UTP25: variants seen among roughly 807,000 people sequenced by gnomAD.
The protein encoded by UTP25 is UTP25 small subunit processome component, also known as U3 small nucleolar RNA-associated protein 25 homolog.
Under a neutral mutation model 78.9 loss-of-function variants are expected in UTP25, and 50 were observed. The ratio of observed to expected loss-of-function variants is 0.63; its 90% CI spans 0.50 to 0.80. The LOEUF (loss-of-function observed/expected upper bound fraction) is 0.80, where lower values mean the gene tolerates loss of function less well. Ranked by LOEUF, UTP25 falls within the 30% of genes least tolerant of loss-of-function variation. UTP25 has a pLI of 0.00. For missense variants in UTP25, 846 were observed against 911.3 expected, an observed-to-expected ratio of 0.93 and a Z score of 0.92; for synonymous variants, 329 against 336.5, an observed-to-expected ratio of 0.98 and a Z score of 0.24.
chr1:209,833,257 C>G lies in UTP25; in HGVS notation c.461C>G (p.Pro154Arg). Residue 154 changes from proline (P) to arginine (R), a missense_variant, in exon 4 of 12, where the codon CCC (proline) becomes CGC (arginine). Transcript: ENST00000491415. Reference protein sequence around the residue: ...EEPPGTSQTSPEEFTDAKHES... With the variant: ...EEPPGTSQTSREEFTDAKHES... Reference sequence around the variant, plus strand: ...CCACCGGGCACATCACAAACATCCCCCGAAGAGTTCACAGATGCAAAACAC... The same window carrying G: ...CCACCGGGCACATCACAAACATCCCGCGAAGAGTTCACAGATGCAAAACAC... 1 of 1,613,316 alleles carries G rather than the reference C, an allele frequency of 6.2e-7. No individual in the cohort carries two copies. The highest frequency in any genetic ancestry group is 8.5e-7 in the Non-Finnish European group (1 of 1,179,708).
chr1:209,846,973 G>A (rs1409507702), intron 11 of UTP25, among the ~76,000 whole-genome samples: 1 of 152,082 alleles, frequency 6.6e-6, no homozygotes, highest in African/African-American at 2.4e-5. Flanking sequence ...TACTCTTTTT[G>A]GTAATTTTTT....
At position 209,833,261 on chromosome 1, in the gene UTP25, A is replaced by G; in HGVS notation, c.465A>G (p.Glu155=). 1.2e-6 allele frequency: 2 copies of G among 1,611,396 alleles called. No homozygotes were observed. Among genetic ancestry groups the G allele is most frequent in the Non-Finnish European group, 1.7e-6 (2 of 1,179,136 alleles). ...CGGGCACATCACAAACATCCCCCGA[A>G]GAGTTCACAGATGCAAAACACGAGT... ...EPPGTSQTSP[E]EFTDAKHESL... is the part of the protein sequence containing the mutation. Residue 155 remains glutamate (E), a synonymous_variant, in exon 4 of 12, where the codon GAA becomes GAG. Coordinates refer to ENST00000491415, the MANE Select transcript of UTP25 (RefSeq NM_014388.7).
intron 7 of UTP25, 36 bp downstream of exon 7, chr1:209,839,164 T>C (rs1558054042): frequency 1.9e-6 from 3 of 1,556,784 alleles, no homozygotes; most frequent in African/African-American, 1.4e-5. Flanking sequence ...ACCTAAAGTG[T>C]GAAGGTCTAC....
At position 209,843,494 on chromosome 1, in the gene UTP25, G is replaced by A. The variant is rs140508038; in HGVS notation, c.1825G>A (p.Ala609Thr). Residue 609 changes from alanine to threonine, a missense_variant, in exon 11 of 12, where the codon GCA becomes ACA. Ala to Thr is a moderately conservative substitution (Grantham distance 58, BLOSUM62 0). Transcript: ENST00000491415. ...CAAGATTTTGCCACAGTATCGTGAT[G>A]CAGTCATGTCTCACACGCTCATCTA... ...VNKILPQYRD[A>T]VMSHTLIYIP... 1.1e-5 allele frequency: 17 copies of A among 1,614,014 alleles called. No individual in the cohort carries two copies. Among genetic ancestry groups the A allele is most frequent in the Non-Finnish European group, 1.3e-5 (15 of 1,180,022 alleles).
At position 209,855,656 on chromosome 1, in the gene UTP25, T is replaced by C. The variant is rs1034129567; in HGVS notation, c.*4209T>C. ...CTCCTGATGGCCCCTCACAGTCAGG[T>C]GTGGGATGGCACATTTCTAGGTGCT... On this transcript the variant is annotated 3_prime_UTR_variant, in exon 12 of 12. Coordinates refer to ENST00000491415, the MANE Select transcript of UTP25 (RefSeq NM_014388.7). The C allele has an allele frequency of 6.6e-6, 1 of 152,444 alleles. No individual in the cohort carries two copies. The highest frequency in any genetic ancestry group is 2.4e-5 in the African/African-American group (1 of 41,460). 9.4% of individuals were successfully genotyped at this position (152,444 alleles called of 1,614,324 possible). A position where few individuals can be genotyped will look rare whatever the true frequency, so the allele number is the denominator to read the frequency against.
chr1:209,835,784 C>T (rs1052238935), intron 5 of UTP25, among the ~76,000 whole-genome samples: 1 of 152,130 alleles, frequency 6.6e-6, no homozygotes, highest in Non-Finnish European at 1.5e-5. Context: ...ACCCTTTGCC[C>T]AGTTTTCCTC....
In UTP25 at chr1:209,836,836, G is replaced by A. The variant is rs368563474; in HGVS notation, c.687G>A (p.Lys229=). 1.4e-5 allele frequency: 23 copies of A among 1,610,230 alleles called. No homozygotes were observed. The African/African-American group carries it at 3.1e-4, about 22-fold the overall frequency. ...TGGGCCAGCTTTTCTTTTCCTCTAA[G>A]TTTCAGAAGTTGGAAACATTTAAAC... The part of the protein sequence containing the change: ...PILGQLFFSS[K]FQKLETFKPP... The change falls in exon 6 of 12, where the codon AAG becomes AAA. Residue 229 remains lysine, a synonymous_variant. Coordinates refer to ENST00000491415, the MANE Select transcript of UTP25 (RefSeq NM_014388.7).
At chr1:209,832,594 T>C (rs1029717426) in intron 3 of UTP25, among the ~76,000 whole-genome samples, 12 of 152,202 alleles carry the variant, frequency 7.9e-5, no homozygotes, top group Non-Finnish European at 1.6e-4. Flanking sequence ...AGGATATGTG[T>C]GTATATGAGA....
rs1359538469 is a variant in UTP25 at position 209,852,990 on chromosome 1, C to T, written c.*1543C>T. ...TCCCATTATCCTCAATGTAATAACC[C>T]ATGATTGGTACAGATTTTTTTTATC... On this transcript the variant is annotated 3_prime_UTR_variant, in exon 12 of 12. Coordinates refer to ENST00000491415, the MANE Select transcript of UTP25 (RefSeq NM_014388.7). The T allele has an allele frequency of 6.6e-6, 1 of 152,114 alleles. No individual in the cohort carries two copies. The highest frequency in any genetic ancestry group is 6.5e-5 in the Admixed American group (1 of 15,278). 9.4% of individuals were successfully genotyped at this position (152,114 alleles called of 1,614,324 possible). A position where few individuals can be genotyped will look rare whatever the true frequency, so the allele number is the denominator to read the frequency against.
At chr1:209,838,675 T>A in intron 6 of UTP25, 1 of 562,516 alleles carries the variant, frequency 1.8e-6, no homozygotes, top group South Asian at 2.3e-5. Flanking sequence ...TTGAGAAATG[T>A]CTCACGTGGA....
At chr1:209,843,267 A>AT (rs2078177547) in intron 10 of UTP25, 184 bp from the exon 11 acceptor site, 1 of 682,964 alleles carries the variant, frequency 1.5e-6, no homozygotes, top group Non-Finnish European at 2.4e-6. Context: ...GTTGACACTT[A>AT]TTTTTTTAGT....
chr1:209,850,450 T>G (rs1261782075), intron 11 of UTP25, among the ~76,000 whole-genome samples: 1 of 152,190 alleles, frequency 6.6e-6, no homozygotes, highest in East Asian at 1.9e-4. Context: ...ACGTCTTCAG[T>G]GTATGAGAGA....
In UTP25 at chr1:209,854,314, CT is replaced by C. The variant is rs951222276; in HGVS notation, c.*2871del. ...CATAGTTAAAACAACCAGCTTAGCACTTTTCTTTTTGAGAGAGAAAAAGCTT... is the reference window on the plus strand; with the variant it reads ...CATAGTTAAAACAACCAGCTTAGCACTTTCTTTTTGAGAGAGAAAAAGCTT... On this transcript the variant is annotated 3_prime_UTR_variant, in exon 12 of 12. Transcript: ENST00000491415. 2.0e-5 allele frequency: 3 copies of C among 148,082 alleles called. No homozygotes were observed. Among genetic ancestry groups the C allele is most frequent in the African/African-American group, 7.4e-5 (3 of 40,356 alleles). The allele number at this position is 148,082 out of a possible 1,614,324, so 9.2% of individuals were successfully genotyped here. A position where few individuals can be genotyped will look rare whatever the true frequency, so the allele number is the denominator to read the frequency against.
intron 5 of UTP25, 132 bp from the exon 6 acceptor site, chr1:209,836,669 C>G (rs1005146098): frequency 4.2e-6 from 4 of 954,966 alleles, no homozygotes; most frequent in Non-Finnish European, 6.1e-6. Context: ...TGGTAACTAC[C>G]TTGCAGGGCT....
At chr1:209,832,541 A>G (rs2078108684) in intron 3 of UTP25, among the ~76,000 whole-genome samples, 1 of 152,202 alleles carries the variant, frequency 6.6e-6, no homozygotes, top group Admixed American at 6.5e-5. Flanking sequence ...TAGAACTAGA[A>G]GTGGGTATAT....
Position 209,840,447 on chromosome 1 carries a change from G to A in UTP25, c.1283-406G>A, listed in dbSNP as rs138218363. On this transcript the variant is annotated intron_variant, in intron 7 of 11. Transcript: ENST00000491415. ...GGCAGCTGTTAGTACATTCTGTGCC[G>A]TTTGTACTTTCCTCATAAGAAGCTC... Among the ~76,000 whole-genome samples, 18 of 152,328 alleles carry A rather than the reference G, an allele frequency of 1.2e-4. No individual in the cohort carries two copies. The East Asian group carries it at 1.9e-3, about 16-fold the overall frequency.
rs747617302 is a variant in UTP25, at chr1:209,851,342, CA to C, written c.2169del (p.Lys723AsnfsTer7). ...ATWTCTVLYS[K>X]YDAQRLAAVV... ...CGTGGACCTGCACTGTTCTCTACTC[CA>C]AATATGATGCCCAGAGGTTAGCTGC... On this transcript the variant is annotated frameshift_variant, in exon 12 of 12. Transcript: ENST00000491415. LOFTEE classifies it high-confidence loss of function. The C allele has an allele frequency of 3.1e-6, 5 of 1,614,046 alleles. No homozygotes were observed. The highest frequency in any genetic ancestry group is 1.3e-5 in the African/African-American group (1 of 74,908).
Position 209,833,204 on chromosome 1 carries a change from C to A in UTP25, c.408C>A (p.Asp136Glu). 1.2e-6 allele frequency: 2 copies of A among 1,613,456 alleles called. No homozygotes were observed. Among genetic ancestry groups the A allele is most frequent in the Non-Finnish European group, 8.5e-7 (1 of 1,179,746 alleles). ...ESPENVALSADPEGKEDGEEP... is the reference protein window; with the variant it reads ...ESPENVALSAEPEGKEDGEEP... Reference sequence around the variant, plus strand: ...CTGCAGATGTAGCTTTATCTGCTGACCCTGAGGGAAAAGAAGATGGGGAAG... The same window carrying A: ...CTGCAGATGTAGCTTTATCTGCTGAACCTGAGGGAAAAGAAGATGGGGAAG... The change falls in exon 4 of 12, where the codon GAC (aspartate) becomes GAA (glutamate). Residue 136 changes from aspartate (D) to glutamate (E), a missense_variant. Transcript: ENST00000491415.
intron 6 of UTP25, among the ~76,000 whole-genome samples, chr1:209,837,803 T>G (rs2102573046): frequency 6.6e-6 from 1 of 152,344 alleles, no homozygotes; most frequent in Middle Eastern, 3.4e-3. Context: ...TAACAGGAAA[T>G]GGCTTTCAAT....
Sources: gnomAD v4.1 joint callset for allele counts (sites outside exome capture counted in the v4.1 genomes callset) on GRCh38, gnomAD v4.1.1 for gene constraint, MANE v1.5 for transcripts, NCBI Gene and HGNC (gene_info 2026-07-23, HGNC 2026-07-21) for gene names.